ZNF695: variants seen among roughly 807,000 people sequenced by gnomAD.
The protein encoded by ZNF695 is zinc finger protein 695.
A neutral mutation model predicts 11.2 loss-of-function variants in ZNF695; 11 were observed. The observed-to-expected ratio is 0.98, with a 90% CI of 0.62 to 1.62. The LOEUF (loss-of-function observed/expected upper bound fraction) is 1.62, where lower values mean the gene tolerates loss of function less well. Ranked by LOEUF, ZNF695 falls within the 40% of genes most tolerant of loss-of-function variation. The pLI is 0.00. For missense variants in ZNF695, 559 were observed against 590.5 expected, an observed-to-expected ratio of 0.95 and a Z score of 0.55; for synonymous variants, 190 against 201.4, an observed-to-expected ratio of 0.94 and a Z score of 0.48.
intron 1 of ZNF695, among the ~76,000 whole-genome samples, chr1:247,006,619 C>CA (rs1669549768): frequency 6.6e-6 from 1 of 151,460 alleles, no homozygotes; most frequent in African/African-American, 2.4e-5. Flanking sequence ...GACTTCGTCT[C>CA]AAAAAAAATA....
At chr1:246,976,598 T>G (rs12140889) in intron 4 of ZNF695, among the ~76,000 whole-genome samples, 7 of 151,236 alleles carry the variant, frequency 4.6e-5, no homozygotes, top group East Asian at 1.9e-4. Flanking sequence ...ATCGAGACCA[T>G]CCTGGCTAAC....
At position 246,987,945 on chromosome 1, in the gene ZNF695, G is replaced by A; in HGVS notation, c.570C>T (p.Gly190=). Residue 190 remains glycine, a synonymous_variant, in exon 4 of 4, where the codon GGC becomes GGT. Coordinates refer to ENST00000339986, the MANE Select transcript of ZNF695 (RefSeq NM_020394.5). ...GEKPFKCKEC[G]NVSCMSLIMT... is the part of the protein sequence containing the mutation. ...TTATTAAAGACATGCAAGAGACATT[G>A]CCACATTCTTTGCATTTGAATGGTT... is the stretch of plus-strand genomic sequence containing the variant. 6.2e-7 allele frequency: 1 copy of A among 1,610,878 alleles called. No individual in the cohort carries two copies. The highest frequency in any genetic ancestry group is 8.5e-7 in the Non-Finnish European group (1 of 1,179,002).
At chr1:246,981,313 TATG>T (rs1181549153), downstream of ZNF695, among the ~76,000 whole-genome samples, 1 of 152,148 alleles carries the variant, frequency 6.6e-6, no homozygotes. Context: ...CCAAAAACAG[TATG>T]ATGATTTCCG....
At chr1:246,980,736 G>A (rs1418470541), downstream of ZNF695, among the ~76,000 whole-genome samples, 1 of 152,072 alleles carries the variant, frequency 6.6e-6, no homozygotes, top group Non-Finnish European at 1.5e-5. Context: ...CCATTTTTGA[G>A]TGTACATTTT....
intron 5 of ZNF695, among the ~76,000 whole-genome samples, chr1:246,950,514 G>A (rs926610977): frequency 4.6e-5 from 7 of 151,984 alleles, no homozygotes; most frequent in Admixed American, 2.6e-4. Flanking sequence ...AGCTGGGCGT[G>A]GTGGCACGCT....
At chr1:246,983,121 A>G (rs545713842), downstream of ZNF695, among the ~76,000 whole-genome samples, 118 of 151,668 alleles carry the variant, frequency 7.8e-4, no homozygotes, top group Middle Eastern at 3.4e-3. Flanking sequence ...GAAGAATGGC[A>G]TGAACCTGGG....
chr1:246,970,239 C>T (rs1357620980), intron 4 of ZNF695, among the ~76,000 whole-genome samples: 21 of 152,122 alleles, frequency 1.4e-4, no homozygotes, highest in Admixed American at 9.8e-4. Flanking sequence ...GCATAGACAA[C>T]TAGAAAACTG....
intron 3 of ZNF695, chr1:246,996,166 C>A (rs962506263): frequency 2.6e-5 from 9 of 350,978 alleles, no homozygotes; most frequent in African/African-American, 1.4e-4. Flanking sequence ...GCCAACATGG[C>A]GAAACCTCGT....
In ZNF695 at chr1:246,987,332, G is replaced by C; in HGVS notation, c.1183C>G (p.Leu395Val). The change falls in exon 4 of 4, where the codon CTT (leucine) becomes GTT (valine). Residue 395 changes from leucine to valine, a missense_variant. Coordinates refer to ENST00000339986, the MANE Select transcript of ZNF695 (RefSeq NM_020394.5). ...GTATGAATTCTCTTATGCTGAATAA[G>C]GTATGAGAACCAGGTAAAAGCTTTG... The part of the protein sequence containing the change: ...CGKAFTWFSY[L>V]IQHKRIHTGQ... 6.2e-7 allele frequency: 1 copy of C among 1,613,676 alleles called. No homozygotes were observed. The highest frequency in any genetic ancestry group is 1.3e-5 in the African/African-American group (1 of 74,872).
intron 3 of ZNF695, among the ~76,000 whole-genome samples, chr1:246,991,185 A>G (rs1669021307): frequency 6.6e-6 from 1 of 152,154 alleles, no homozygotes; most frequent in Admixed American, 6.5e-5. Flanking sequence ...TGAAAAACAA[A>G]ATTGAGAAAA....
At chr1:246,964,510 A>G (rs1361464014) in intron 5 of ZNF695, among the ~76,000 whole-genome samples, 3 of 152,270 alleles carry the variant, frequency 2.0e-5, no homozygotes, top group Non-Finnish European at 4.4e-5. Context: ...TAGGAACTCT[A>G]TGCCAAAGGA....
At chr1:246,970,310 C>A (rs2103011600) in intron 4 of ZNF695, among the ~76,000 whole-genome samples, 1 of 151,880 alleles carries the variant, frequency 6.6e-6, no homozygotes, top group South Asian at 2.1e-4. Context: ...AAAGTGTGAT[C>A]TCGGAGAGGA....
In ZNF695 at chr1:246,987,291, G is replaced by A. The variant is rs372225038; in HGVS notation, c.1224C>T (p.Tyr408=). The A allele has an allele frequency of 1.9e-6, 3 of 1,614,004 alleles. No individual in the cohort carries two copies. Among genetic ancestry groups the A allele is most frequent in the Non-Finnish European group, 1.7e-6 (2 of 1,179,972 alleles). Residue 408 remains tyrosine (Y), a synonymous_variant, in exon 4 of 4, where the codon TAC becomes TAT. Coordinates refer to ENST00000339986, the MANE Select transcript of ZNF695 (RefSeq NM_020394.5). ...AAGCTTTGCCACATTCCTCACATTT[G>A]TAGGGTTTCTGCCCAGTATGAATTC... ...HKRIHTGQKP[Y]KCEECGKAFT...
At chr1:247,005,098 T>C (rs1261567641) in intron 1 of ZNF695, among the ~76,000 whole-genome samples, 2 of 152,170 alleles carry the variant, frequency 1.3e-5, no homozygotes, top group East Asian at 1.9e-4. Flanking sequence ...TAAAATTTTT[T>C]TGGAACCACA....
In ZNF695 at chr1:246,948,069, CTTTTCT is replaced by C. The variant is rs1398454667; in HGVS notation, c.489-2248_489-2243del. On this transcript the variant is annotated intron_variant, in intron 5 of 5. Transcript: ENST00000487338. ...TGAGGCGATGAGTGACGTCGTTGACCTTTTCTTTTTCTTTTCTTTTTTGAGACAGGA... is the reference window on the plus strand; with the variant it reads ...TGAGGCGATGAGTGACGTCGTTGACCTTTTCTTTTCTTTTTTGAGACAGGA... Among the ~76,000 whole-genome samples, 5 of 151,896 alleles carry C rather than the reference CTTTTCT, an allele frequency of 3.3e-5. No homozygotes were observed. In the East Asian group the frequency reaches 9.7e-4, roughly 29 times the overall value.
chr1:246,985,486 C>A lies in ZNF695; in HGVS notation c.*1481G>T. On this transcript the variant is annotated 3_prime_UTR_variant, in exon 4 of 4. Coordinates refer to ENST00000339986, the MANE Select transcript of ZNF695 (RefSeq NM_020394.5). ...GGGATCATTAGAGATACTATTCCAC[C>A]ATGTTACCCACTATTGTATTGTTAC... is the stretch of plus-strand genomic sequence containing the variant. The A allele has an allele frequency of 1.0e-6, 1 of 985,314 alleles. No individual in the cohort carries two copies. The highest frequency in any genetic ancestry group is 1.2e-6 in the Non-Finnish European group (1 of 829,904). 61.0% of individuals were successfully genotyped at this position (985,314 alleles called of 1,614,324 possible). A position where few individuals can be genotyped will look rare whatever the true frequency, so the allele number is the denominator to read the frequency against.
chr1:246,964,213 C>A (rs1428439851), intron 5 of ZNF695, among the ~76,000 whole-genome samples: 1 of 152,116 alleles, frequency 6.6e-6, no homozygotes, highest in Non-Finnish European at 1.5e-5. Context: ...GAGGCTTCAT[C>A]ACATAGGCAC....
chr1:246,982,778 T>G (rs1178914267), downstream of ZNF695, among the ~76,000 whole-genome samples: 1 of 150,178 alleles, frequency 6.7e-6, no homozygotes, highest in Non-Finnish European at 1.5e-5. Flanking sequence ...CTCTATCTAT[T>G]TATATCCTTT....
chr1:246,958,151 C>T (rs952212329), intron 5 of ZNF695, among the ~76,000 whole-genome samples: 10 of 151,756 alleles, frequency 6.6e-5, no homozygotes, highest in East Asian at 2.0e-4. Flanking sequence ...CTCCGCCTCC[C>T]GGGTTCACGC....
Sources: allele counts gnomAD v4.1 joint callset (sites outside exome capture counted in the v4.1 genomes callset), GRCh38; gene constraint gnomAD v4.1.1; transcripts MANE v1.5; gene names NCBI Gene and HGNC (gene_info 2026-07-23, HGNC 2026-07-21).